Variants in WWP1 observed in about 807,000 individuals in gnomAD.
The protein encoded by WWP1 is NEDD4-like E3 ubiquitin-protein ligase WWP1.
WWP1 carries 49 observed loss-of-function variants against 130.6 expected under a neutral mutation model. The ratio of observed to expected loss-of-function variants is 0.38; its 90% confidence interval spans 0.30 to 0.48. The LOEUF is 0.48. Among genes scored for constraint, WWP1 ranks in the 20% least tolerant of loss-of-function variants. The pLI is 0.99. For missense variants in WWP1, 809 were observed against 1,100.6 expected, an observed-to-expected ratio of 0.74 and a Z score of 3.75; for synonymous variants, 332 against 367.8, an observed-to-expected ratio of 0.90 and a Z score of 1.11.
intron 3 of WWP1, among the ~76,000 whole-genome samples, chr8:86,379,908 A>G (rs1350289085): frequency 6.6e-6 from 1 of 152,164 alleles, no homozygotes; most frequent in Non-Finnish European, 1.5e-5. Context: ...ATCAGTGTAT[A>G]TTGTTGATAG....
chr8:86,354,879 G>A (rs1823165816), intron 1 of WWP1, among the ~76,000 whole-genome samples: 1 of 151,784 alleles, frequency 6.6e-6, no homozygotes, highest in Non-Finnish European at 1.5e-5. Context: ...ACTATTATTG[G>A]GCACCTTCTT....
intron 5 of WWP1, among the ~76,000 whole-genome samples, chr8:86,394,228 A>C (rs1807520015): frequency 6.6e-6 from 1 of 152,234 alleles, no homozygotes; most frequent in Non-Finnish European, 1.5e-5. Flanking sequence ...TCCATGATTT[A>C]TAGAACAGAT....
rs1017576046 is a variant in WWP1, at chr8:86,425,484, G to T, written c.1157+166G>T. On this transcript the variant is annotated intron_variant, in intron 10 of 24. Coordinates refer to ENST00000517970, the MANE Select transcript of WWP1 (RefSeq NM_007013.4). ...TTCAGTCAATGAGATTAGATAATCTGTAGGGCTTCCTCAAGAGACTGTCAA... is the reference window on the plus strand; with the variant it reads ...TTCAGTCAATGAGATTAGATAATCTTTAGGGCTTCCTCAAGAGACTGTCAA... Among the ~76,000 whole-genome samples, 4 of 152,176 alleles carry T rather than the reference G, an allele frequency of 2.6e-5. No homozygotes were observed. The East Asian group carries it at 7.7e-4, about 29-fold the overall frequency.
intron 1 of WWP1, among the ~76,000 whole-genome samples, chr8:86,355,781 A>T (rs926403255): frequency 6.6e-6 from 1 of 152,240 alleles, no homozygotes; most frequent in Non-Finnish European, 1.5e-5. Flanking sequence ...ACAGCCCACA[A>T]AACCACCTGA....
intron 9 of WWP1, among the ~76,000 whole-genome samples, chr8:86,413,468 T>C (rs533014198): frequency 4.5e-4 from 69 of 152,142 alleles, no homozygotes; most frequent in Non-Finnish European, 8.8e-4. Flanking sequence ...TAGGATGCCA[T>C]GACAAGGAAT....
chr8:86,361,662 C>T (rs1261223289), intron 1 of WWP1, among the ~76,000 whole-genome samples: 2 of 151,856 alleles, frequency 1.3e-5, no homozygotes, highest in Non-Finnish European at 2.9e-5. Flanking sequence ...CATGTCTTTC[C>T]TTTCCACTTC....
At chr8:86,427,872 CTT>C (rs766528425) in intron 11 of WWP1, 55 bp downstream of exon 11, 3,443 of 1,213,136 alleles carry the variant, frequency 2.8e-3, no homozygotes, top group South Asian at 6.6e-3. Flanking sequence ...GTGTTTCTTT[CTT>C]TTTTTTTTTT....
intron 3 of WWP1, among the ~76,000 whole-genome samples, chr8:86,377,395 G>C (rs10109677): frequency 0.12 from 18,723 of 151,854 alleles, 1,552 homozygotes; most frequent in Non-Finnish European, 0.18. Context: ...CCACGCCCAG[G>C]CTTTTCTTTT....
chr8:86,426,329 A>G (rs1233676222), intron 10 of WWP1, among the ~76,000 whole-genome samples: 3 of 152,220 alleles, frequency 2.0e-5, no homozygotes, highest in African/African-American at 7.2e-5. Context: ...AGCGTCTATT[A>G]TTCTCTTTGT....
chr8:86,400,159 T>C (rs954255780), intron 7 of WWP1, among the ~76,000 whole-genome samples: 2 of 151,784 alleles, frequency 1.3e-5, no homozygotes, highest in Non-Finnish European at 2.9e-5. Context: ...TGAAACCCCG[T>C]CTCTACTAAA....
chr8:86,462,908 C>T (rs7460342), intron 24 of WWP1, among the ~76,000 whole-genome samples: 41,044 of 151,534 alleles, frequency 0.27, 6,413 homozygotes, highest in East Asian at 0.54. Flanking sequence ...AAGGCAAGTT[C>T]GTTGAAGTTC....
chr8:86,391,755 G>A (rs1325100158), intron 5 of WWP1, among the ~76,000 whole-genome samples: 1 of 152,118 alleles, frequency 6.6e-6, no homozygotes, highest in African/African-American at 2.4e-5. Context: ...AGCTTGGTCA[G>A]TGTAAATGCA....
chr8:86,441,619 A>G (rs563480766), intron 17 of WWP1, among the ~76,000 whole-genome samples: 69 of 90,612 alleles, frequency 7.6e-4, no homozygotes, highest in Non-Finnish European at 6.1e-4. Flanking sequence ...AGTGGGCTGA[A>G]TCAGAGTTGT....
At chr8:86,446,229 A>C (rs575954197) in intron 18 of WWP1, among the ~76,000 whole-genome samples, 1 of 151,312 alleles carries the variant, frequency 6.6e-6, no homozygotes, top group African/African-American at 2.4e-5. Context: ...TGATCCGCCA[A>C]CCTCGGCCTC....
intron 1 of WWP1, among the ~76,000 whole-genome samples, chr8:86,362,047 CACACATATATACACACATATATAT>C (rs1240846740): frequency 3.3e-5 from 3 of 90,920 alleles, no homozygotes; most frequent in East Asian, 5.0e-4. Context: ...CATATATATA[CACACATATATACACACATATATAT>C]ACACATATAT....
At chr8:86,371,111 A>G (rs1293525511) in intron 2 of WWP1, among the ~76,000 whole-genome samples, 6 of 150,216 alleles carry the variant, frequency 4.0e-5, no homozygotes, top group South Asian at 2.1e-4. Flanking sequence ...CTTGACCTCA[A>G]GTGATCCACC....
intron 1 of WWP1, among the ~76,000 whole-genome samples, chr8:86,348,298 A>G (rs1157418249): frequency 2.0e-5 from 3 of 151,652 alleles, no homozygotes. Flanking sequence ...GGCTCACTGC[A>G]GCTTCCGCCT....
intron 20 of WWP1, among the ~76,000 whole-genome samples, chr8:86,452,083 A>AT (rs1811203350): frequency 6.6e-6 from 1 of 152,158 alleles, no homozygotes; most frequent in Non-Finnish European, 1.5e-5. Flanking sequence ...ACATACTGAG[A>AT]CAATCCCTTG....
At chr8:86,431,858 T>C (rs1410491201) in intron 14 of WWP1, 115 bp downstream of exon 14, 5 of 1,373,936 alleles carry the variant, frequency 3.6e-6, no homozygotes, top group Non-Finnish European at 5.0e-6. Flanking sequence ...CAAGAAAACC[T>C]ACACAAGTGA....
Sources: allele counts gnomAD v4.1 joint callset (sites outside exome capture counted in the v4.1 genomes callset), GRCh38; gene constraint gnomAD v4.1.1; transcripts MANE v1.5; gene names NCBI Gene and HGNC (gene_info 2026-07-23, HGNC 2026-07-21).